USP34: variants seen among roughly 807,000 people sequenced by gnomAD.
USP34 encodes ubiquitin carboxyl-terminal hydrolase 34.
Under a neutral mutation model 460.3 loss-of-function variants are expected in USP34, and 70 were observed. The ratio of observed to expected loss-of-function variants is 0.15; its 90% CI spans 0.13 to 0.19. The LOEUF (loss-of-function observed/expected upper bound fraction) is 0.19, where lower values mean the gene tolerates loss of function less well. Among genes scored for constraint, USP34 ranks in the 10% least tolerant of loss-of-function variants. The probability of loss-of-function intolerance (pLI) is 1.00; values close to 1 mark genes in which losing one functional copy is unlikely to be tolerated. For synonymous variants in USP34, 1,647 were observed against 1,405.3 expected (o/e 1.17, Z -3.85); for missense variants, 3,985 against 4,236.2 (o/e 0.94, Z 1.65).
At chr2:61,371,424 C>T (rs1200377161) in intron 8 of USP34, among the ~76,000 whole-genome samples, 2 of 142,656 alleles carry the variant, frequency 1.4e-5, no homozygotes, top group Non-Finnish European at 3.0e-5. Context: ...ATGACAGCTC[C>T]ATGTGTATTA....
At chr2:61,403,234 G>C (rs551748613) in intron 3 of USP34, among the ~76,000 whole-genome samples, 41 of 152,088 alleles carry the variant, frequency 2.7e-4, no homozygotes, top group Non-Finnish European at 4.0e-4. Context: ...CAAAGTACAG[G>C]AGTGTAACTA....
At chr2:61,398,573 G>A (rs1172101263) in intron 3 of USP34, among the ~76,000 whole-genome samples, 1 of 5,598 alleles carries the variant, frequency 1.8e-4, no homozygotes, top group Non-Finnish European at 2.8e-4. Context: ...GGGAAGAGGG[G>A]AAAGTCGGGG....
chr2:61,305,287 C>T (rs1690367557), intron 27 of USP34, among the ~76,000 whole-genome samples: 1 of 151,780 alleles, frequency 6.6e-6, no homozygotes, highest in Admixed American at 6.6e-5. Flanking sequence ...TACGCCACTG[C>T]ACTCCAGCCT....
intron 33 of USP34, 55 bp downstream of exon 33, chr2:61,293,409 G>C: frequency 2.2e-6 from 3 of 1,340,024 alleles, no homozygotes; most frequent in Non-Finnish European, 3.1e-6. Context: ...TGAAATGGAA[G>C]TATTTCAAAT....
chr2:61,396,584 G>A (rs543685446), intron 3 of USP34, among the ~76,000 whole-genome samples: 2 of 151,676 alleles, frequency 1.3e-5, no homozygotes, highest in Admixed American at 6.6e-5. Context: ...TGCCTCCTGG[G>A]TTCACGCCAT....
intron 43 of USP34, among the ~76,000 whole-genome samples, chr2:61,261,464 A>C (rs1172009549): frequency 1.3e-5 from 2 of 152,184 alleles, no homozygotes; most frequent in Admixed American, 1.3e-4. Flanking sequence ...TTGAATGCAT[A>C]GAGATGGAAA....
chr2:61,396,054 CAAAAA>C (rs771466849), intron 3 of USP34, among the ~76,000 whole-genome samples: 1 of 69,866 alleles, frequency 1.4e-5, no homozygotes, highest in Non-Finnish European at 3.1e-5. Context: ...AAAACTGTCT[CAAAAA>C]AAAAAAAAAA....
intron 75 of USP34, chr2:61,194,147 C>A (rs1474088591): frequency 2.0e-6 from 2 of 983,134 alleles, no homozygotes; most frequent in East Asian, 2.3e-4. Flanking sequence ...CAAGTCAGGT[C>A]ACTCACTCAG....
chr2:61,221,431 G>C, intron 66 of USP34, 71 bp downstream of exon 66: 2 of 1,345,962 alleles, frequency 1.5e-6, no homozygotes, highest in Admixed American at 2.4e-5. Flanking sequence ...TACTTAAAAT[G>C]GTAGTGACTA....
chr2:61,261,378 C>T (rs1250105770), intron 43 of USP34, among the ~76,000 whole-genome samples: 5 of 152,134 alleles, frequency 3.3e-5, no homozygotes, highest in African/African-American at 1.2e-4. Flanking sequence ...TGAAGATATC[C>T]TAAGTGAAAT....
rs368723615 is a variant in USP34, at chr2:61,225,273, CTTAT to C, written c.7595+1790_7595+1793del. ...TGGTTTCCAATGACATTAACAGTTA[CTTAT>C]TTGTTTCATCCTGTAATATACATTA... On this transcript the variant is annotated intron_variant, in intron 62 of 79. Coordinates refer to ENST00000398571, the MANE Select transcript of USP34 (RefSeq NM_014709.4). 3.2e-4 allele frequency among the ~76,000 whole-genome samples: 49 copies of C among 152,092 alleles called. No individual in the cohort carries two copies. The East Asian group carries it at 5.0e-3, about 16-fold the overall frequency.
chr2:61,346,526 T>A (rs1183882771), intron 15 of USP34, among the ~76,000 whole-genome samples: 1 of 65,698 alleles, frequency 1.5e-5, no homozygotes, highest in African/African-American at 7.4e-5. Context: ...ACCCTATCTC[T>A]TAAAAAAAAA....
chr2:61,344,366 G>GT (rs1691696556), intron 15 of USP34, among the ~76,000 whole-genome samples: 2 of 152,038 alleles, frequency 1.3e-5, no homozygotes, highest in Admixed American at 1.3e-4. Flanking sequence ...AAAAAGTGTG[G>GT]TTTTTTACAA....
chr2:61,239,091 ATGT>A (rs1380240748), intron 53 of USP34, among the ~76,000 whole-genome samples: 2 of 151,986 alleles, frequency 1.3e-5, no homozygotes, highest in East Asian at 1.9e-4. Flanking sequence ...AACTTAATAC[ATGT>A]TGTGTGTGTT....
chr2:61,469,422 T>C (rs1287917220), intron 1 of USP34, among the ~76,000 whole-genome samples: 1 of 152,112 alleles, frequency 6.6e-6, no homozygotes, highest in African/African-American at 2.4e-5. Flanking sequence ...TACACACAAA[T>C]AATCTTAAAA....
intron 1 of USP34, among the ~76,000 whole-genome samples, chr2:61,431,034 CGAAAT>C (rs764667686): frequency 2.6e-5 from 4 of 151,368 alleles, no homozygotes; most frequent in Non-Finnish European, 4.4e-5. Context: ...AGAAATGAAA[CGAAAT>C]GAAATGAAAC....
In USP34 at chr2:61,331,262, T is replaced by G; in HGVS notation, c.2930+14A>C. 2.8e-4 allele frequency: 451 copies of G among 1,589,216 alleles called. No individual in the cohort carries two copies. The highest frequency in any genetic ancestry group is 3.6e-4 in the Non-Finnish European group (423 of 1,162,074). The stretch of plus-strand genomic sequence containing the variant: ...TCGACACAAATGTATTTAACCCAGT[T>G]GAGAGGTACTTACAGTGCATGTTTT... On this transcript the variant is annotated intron_variant, in intron 20 of 79. Coordinates refer to ENST00000398571, the MANE Select transcript of USP34 (RefSeq NM_014709.4).
intron 1 of USP34, among the ~76,000 whole-genome samples, chr2:61,466,973 A>G (rs907304374): frequency 6.6e-6 from 1 of 151,888 alleles, no homozygotes; most frequent in Non-Finnish European, 1.5e-5. Flanking sequence ...ACTGTTTGTT[A>G]ATTTCACAAG....
intron 18 of USP34, 103 bp downstream of exon 18, chr2:61,339,248 G>A (rs1242036224): frequency 9.0e-7 from 1 of 1,115,596 alleles, no homozygotes; most frequent in Non-Finnish European, 1.3e-6. Flanking sequence ...ATTAATACAG[G>A]TATATGAAAC....
Sources: allele counts gnomAD v4.1 joint callset (sites outside exome capture counted in the v4.1 genomes callset), GRCh38; gene constraint gnomAD v4.1.1; transcripts MANE v1.5; gene names NCBI Gene and HGNC (gene_info 2026-07-23, HGNC 2026-07-21).